The following SLCO4C1 variants were observed in gnomAD, a reference collection of about 807,000 sequenced individuals.
SLCO4C1 encodes solute carrier organic anion transporter family member 4C1.
SLCO4C1 carries 58 observed loss-of-function variants against 72.1 expected under a neutral mutation model. The observed-to-expected ratio is 0.80, with a 90% CI of 0.65 to 1.00. The LOEUF is 1.00. Ranked by LOEUF, SLCO4C1 falls within the 50% of genes least tolerant of loss-of-function variation. The pLI, the probability that SLCO4C1 is intolerant of heterozygous loss-of-function variation, is 0.00. For synonymous variants in SLCO4C1, 297 were observed against 312.5 expected (o/e 0.95, Z 0.52); for missense variants, 898 against 857.9 (o/e 1.05, Z -0.58).
chr5:102,261,924 T>C lies in SLCO4C1; in HGVS notation c.1009A>G (p.Lys337Glu). ...SLIIPFSCFP[K>E]HLPGTAEIQA... ...AAAGCATGTTTACCTGGTAAATGTT[T>C]TGGAAAGCAAGAAAAAGGTATTATT... Residue 337 changes from lysine to glutamate, a missense_variant, in exon 5 of 13, where the codon AAA becomes GAA. Transcript: ENST00000310954. 3.7e-6 allele frequency: 6 copies of C among 1,611,102 alleles called. No homozygotes were observed. The highest frequency in any genetic ancestry group is 1.7e-5 in the Admixed American group (1 of 59,622).
In SLCO4C1 at chr5:102,249,692, A is replaced by G. The variant is rs1748700707; in HGVS notation, c.1566T>C (p.Tyr522=). 4 of 1,613,918 alleles carry G rather than the reference A, an allele frequency of 2.5e-6. No homozygotes were observed. In the East Asian group the frequency reaches 8.9e-5, roughly 36 times the overall value. ...AACAGCCTGCAAAGCAGGGAGAAAA[A>G]TATTGGACTCCATCTCCACAGACAG... ...YYPVCGDGVQ[Y]FSPCFAGCSN... The change falls in exon 9 of 13, where the codon TAT becomes TAC. Residue 522 remains tyrosine, a synonymous_variant. Coordinates refer to ENST00000310954, the MANE Select transcript of SLCO4C1 (RefSeq NM_180991.5).
At position 102,285,228 on chromosome 5, in the gene SLCO4C1, C is replaced by CACACACACACAA. The variant is rs1554059312; in HGVS notation, c.619+6103_619+6114dup. Among the ~76,000 whole-genome samples, 34 of 151,828 alleles carry CACACACACACAA rather than the reference C, an allele frequency of 2.2e-4. 1 individual carries two copies. Among genetic ancestry groups the CACACACACACAA allele is most frequent in the African/African-American group, 7.3e-4 (30 of 41,348 alleles). Reference sequence around the variant, plus strand: ...ATATATACATACACACACACACACACACACACACACAAATATATACACACA... The same window carrying CACACACACACAA: ...ATATATACATACACACACACACACACACACACACACAAACACACACACAAATATATACACACA... On this transcript the variant is annotated intron_variant, in intron 2 of 12. Coordinates refer to ENST00000310954, the MANE Select transcript of SLCO4C1 (RefSeq NM_180991.5).
At chr5:102,286,449 G>A (rs1248157638) in intron 2 of SLCO4C1, among the ~76,000 whole-genome samples, 1 of 151,972 alleles carries the variant, frequency 6.6e-6, no homozygotes, top group East Asian at 1.9e-4. Flanking sequence ...AAAATGTTAC[G>A]TGGTAAAGAT....
In SLCO4C1 at chr5:102,284,662, T is replaced by C. The variant is rs1031229108; in HGVS notation, c.619+6681A>G. On this transcript the variant is annotated intron_variant, in intron 2 of 12. Transcript: ENST00000310954. ...TTTTTTTTCCAAACTCATTCAACCATTGAACACATTTTTAACATATTCCTA... is the reference window on the plus strand; with the variant it reads ...TTTTTTTTCCAAACTCATTCAACCACTGAACACATTTTTAACATATTCCTA... Among the ~76,000 whole-genome samples the C allele has an allele frequency of 2.0e-5, 3 of 152,166 alleles. No individual in the cohort carries two copies. In the East Asian group the frequency reaches 5.8e-4, roughly 29 times the overall value.
At chr5:102,258,925 A>C (rs1748889065) in intron 6 of SLCO4C1, among the ~76,000 whole-genome samples, 1 of 152,046 alleles carries the variant, frequency 6.6e-6, no homozygotes, top group African/African-American at 2.4e-5. Flanking sequence ...CTTCAGATTG[A>C]AAATAATCAA....
chr5:102,258,461 TGTACA>T (rs1748879320), intron 6 of SLCO4C1, among the ~76,000 whole-genome samples: 1 of 152,172 alleles, frequency 6.6e-6, no homozygotes, highest in Admixed American at 6.6e-5. Context: ...TGAATTCCTA[TGTACA>T]GTAAAGAAAG....
intron 10 of SLCO4C1, 145 bp downstream of exon 10, chr5:102,247,107 T>C (rs1748648966): frequency 2.0e-6 from 1 of 489,630 alleles, no homozygotes; most frequent in African/African-American, 2.0e-5. Flanking sequence ...GAGGAGCTTG[T>C]CCAATGCCAC....
At position 102,249,759 on chromosome 5, in the gene SLCO4C1, G is replaced by C. The variant is rs749544214; in HGVS notation, c.1499C>G (p.Pro500Arg). 6.2e-7 allele frequency: 1 copy of C among 1,613,814 alleles called. No individual in the cohort carries two copies. The highest frequency in any genetic ancestry group is 8.5e-7 in the Non-Finnish European group (1 of 1,179,864). The change falls in exon 9 of 13, where the codon CCT (proline) becomes CGT (arginine). Residue 500 changes from proline (P) to arginine (R), a missense_variant. By Grantham distance (103) the Pro-to-Arg change is moderately radical (BLOSUM62 -2). Transcript: ENST00000310954. ...GTGELGNLIAPCNANCNCSRS... is the reference protein window; with the variant it reads ...GTGELGNLIARCNANCNCSRS... ...CGAACAGTTACAATTGGCATTACAA[G>C]GGGCTATCAAGTTTCCCAATTCTCC... is the stretch of plus-strand genomic sequence containing the variant.
At chr5:102,276,725 C>T (rs572797524) in intron 2 of SLCO4C1, among the ~76,000 whole-genome samples, 2 of 152,252 alleles carry the variant, frequency 1.3e-5, no homozygotes, top group Admixed American at 1.3e-4. Context: ...TCAATTTTCC[C>T]TTGGTAACTA....
rs181593533 is a variant in SLCO4C1 at position 102,249,920 on chromosome 5, C to T, written c.1470-132G>A. The T allele has an allele frequency of 1.2e-4, 105 of 896,878 alleles. 1 individual carries two copies. The highest frequency in any genetic ancestry group is 8.7e-4 in the Middle Eastern group (3 of 3,434). 55.6% of individuals were successfully genotyped at this position (896,878 alleles called of 1,614,324 possible). On this transcript the variant is annotated intron_variant, in intron 8 of 12. Transcript: ENST00000310954. The stretch of plus-strand genomic sequence containing the variant: ...ACACATAATTACTAAACAAATAAAA[C>T]GTCTTCCTTTGCACATAAAGTTTAA...
At chr5:102,281,597 A>G (rs1001874431) in intron 2 of SLCO4C1, among the ~76,000 whole-genome samples, 3 of 152,178 alleles carry the variant, frequency 2.0e-5, no homozygotes, top group Non-Finnish European at 4.4e-5. Context: ...TCAACAGTAA[A>G]GAAACAAATA....
intron 2 of SLCO4C1, among the ~76,000 whole-genome samples, chr5:102,287,320 A>G (rs1257127399): frequency 2.6e-5 from 4 of 152,132 alleles, no homozygotes; most frequent in Non-Finnish European, 4.4e-5. Flanking sequence ...CCTGACTACT[A>G]GAAGTTGGGG....
intron 2 of SLCO4C1, among the ~76,000 whole-genome samples, chr5:102,271,865 G>A (rs2112377385): frequency 6.6e-6 from 1 of 152,138 alleles, no homozygotes; most frequent in Middle Eastern, 3.4e-3. Context: ...TGGATCACAT[G>A]GCTATGTCTA....
chr5:102,262,066 A>C (rs375449411), intron 4 of SLCO4C1, 33 bp from the exon 5 acceptor site: 5 of 1,578,156 alleles, frequency 3.2e-6, no homozygotes, highest in East Asian at 4.5e-5. Flanking sequence ...GTAAAAGTCA[A>C]CTCTACCTTA....
intron 1 of SLCO4C1, among the ~76,000 whole-genome samples, chr5:102,293,118 T>C (rs967834320): frequency 1.3e-5 from 2 of 152,120 alleles, no homozygotes; most frequent in South Asian, 4.1e-4. Flanking sequence ...ACTCATGACA[T>C]ATTTTTTACT....
rs1054640195 is a variant in SLCO4C1, at chr5:102,236,890, G to T, written c.2143C>A (p.Gln715Lys). Residue 715 changes from glutamine (Q) to lysine (K), a missense_variant, in exon 13 of 13, where the codon CAG (glutamine) becomes AAG (lysine). Coordinates refer to ENST00000310954, the MANE Select transcript of SLCO4C1 (RefSeq NM_180991.5). ...TCTTTTACTATTTTGTTGAGATCCT[G>T]TTCTGCTAAAACATTAGTCACAACT... Reference protein sequence around the residue: ...NAVVTNVLAEQDLNKIVKEG With the variant: ...NAVVTNVLAEKDLNKIVKEG 6 of 1,612,422 alleles carry T rather than the reference G, an allele frequency of 3.7e-6. No individual in the cohort carries two copies. Among genetic ancestry groups the T allele is most frequent in the Non-Finnish European group, 5.1e-6 (6 of 1,179,600 alleles).
In SLCO4C1 at chr5:102,296,158, C is replaced by G. The variant is rs1382680362; in HGVS notation, c.105G>C (p.Leu35Phe). 6.2e-7 allele frequency: 1 copy of G among 1,613,276 alleles called. No individual in the cohort carries two copies. Among genetic ancestry groups the G allele is most frequent in the East Asian group, 2.2e-5 (1 of 44,840 alleles). ...ASPSQIEVSA[L>F]SSDPQRENSQ... ...AATTCTCTCTTTGGGGGTCAGAGGA[C>G]AAGGCAGAGACTTCGATTTGGGAGG... The change falls in exon 1 of 13, where the codon TTG becomes TTC. Residue 35 changes from leucine to phenylalanine, a missense_variant. Transcript: ENST00000310954.
At chr5:102,247,468 T>G in intron 9 of SLCO4C1, 26 bp from the exon 10 acceptor site, 1 of 1,391,682 alleles carries the variant, frequency 7.2e-7, no homozygotes. Flanking sequence ...ATAAAAACAA[T>G]GAAAGTGATC....
At chr5:102,271,167 A>C (rs1749145868) in intron 2 of SLCO4C1, among the ~76,000 whole-genome samples, 1 of 152,020 alleles carries the variant, frequency 6.6e-6, no homozygotes, top group African/African-American at 2.4e-5. Flanking sequence ...TATATTCAAC[A>C]ATGTCCAGTT....
Sources: gnomAD v4.1 joint callset for allele counts (sites outside exome capture counted in the v4.1 genomes callset) on GRCh38, gnomAD v4.1.1 for gene constraint, MANE v1.5 for transcripts, NCBI Gene and HGNC (gene_info 2026-07-23, HGNC 2026-07-21) for gene names.